The following TSPAN3 variants were observed in gnomAD, a reference collection of about 807,000 sequenced individuals.
TSPAN3 encodes the protein tetraspanin 3.
Under a neutral mutation model 31.1 loss-of-function variants are expected in TSPAN3, and 9 were observed. That is an observed-to-expected ratio of 0.29 (90% CI 0.17 to 0.50). The LOEUF (loss-of-function observed/expected upper bound fraction) is 0.50, where lower values mean the gene tolerates loss of function less well. Ranked by LOEUF, TSPAN3 falls within the 20% of genes least tolerant of loss-of-function variation. The pLI, the probability that TSPAN3 is intolerant of heterozygous loss-of-function variation, is 0.98. For synonymous variants in TSPAN3, 129 were observed against 114.3 expected (o/e 1.13, Z -0.82); for missense variants, 252 against 313.5 (o/e 0.80, Z 1.48).
chr15:77,053,900 C>T (rs2076750600), intron 4 of TSPAN3, among the ~76,000 whole-genome samples: 1 of 152,118 alleles, frequency 6.6e-6, no homozygotes, highest in Non-Finnish European at 1.5e-5. Flanking sequence ...ATACCTCTCT[C>T]TTGCGTCATC....
chr15:77,070,245 A>C (rs2076858709), intron 1 of TSPAN3, among the ~76,000 whole-genome samples: 1 of 152,204 alleles, frequency 6.6e-6, no homozygotes. Context: ...TCCATCATAT[A>C]TTTAACCAAG....
intron 4 of TSPAN3, among the ~76,000 whole-genome samples, 172 bp from the exon 5 acceptor site, chr15:77,053,101 C>T (rs1596160406): frequency 1.3e-5 from 2 of 152,296 alleles, no homozygotes; most frequent in African/African-American, 4.8e-5. Context: ...TGAAGCTCTA[C>T]TGAGCACTTA....
chr15:77,050,467 T>C (rs905353225), intron 6 of TSPAN3, among the ~76,000 whole-genome samples: 1 of 152,200 alleles, frequency 6.6e-6, no homozygotes, highest in Non-Finnish European at 1.5e-5. Flanking sequence ...AAATATTTAT[T>C]AGCCCCTATT....
chr15:77,067,840 T>G (rs1004208630), intron 1 of TSPAN3: 1 of 152,242 alleles, frequency 6.6e-6, no homozygotes, highest in Non-Finnish European at 1.5e-5. Context: ...GAGAAGTGAT[T>G]CTAACAACTT....
chr15:77,065,305 C>T (rs115370727), intron 1 of TSPAN3, among the ~76,000 whole-genome samples: 1,995 of 152,316 alleles, frequency 0.013, 55 homozygotes, highest in African/African-American at 0.046. Flanking sequence ...GGATTTTTCA[C>T]TGTCTTTTCA....
chr15:77,066,141 T>C (rs1453512100), intron 1 of TSPAN3, among the ~76,000 whole-genome samples: 2 of 152,294 alleles, frequency 1.3e-5, no homozygotes, highest in East Asian at 1.9e-4. Context: ...GAATAAAAAC[T>C]TAATGGTAGG....
Position 77,041,795 on chromosome 15 carries a change from G to A in TSPAN3, c.*5040C>T, listed in dbSNP as rs968614716. Reference sequence around the variant, plus strand: ...GAAAGTGCTTTGAAACTAGATACAGGCAGTGGTTCTATAGCATGGTGAATG... The same window carrying A: ...GAAAGTGCTTTGAAACTAGATACAGACAGTGGTTCTATAGCATGGTGAATG... On this transcript the variant is annotated 3_prime_UTR_variant, in exon 7 of 7. Transcript: ENST00000267970. The A allele has an allele frequency of 1.3e-5, 2 of 152,118 alleles. No homozygotes were observed. Among genetic ancestry groups the A allele is most frequent in the African/African-American group, 2.4e-5 (1 of 41,430 alleles). 9.4% of individuals were successfully genotyped at this position (152,118 alleles called of 1,614,324 possible).
At position 77,042,197 on chromosome 15, in the gene TSPAN3, A is replaced by ATGCCATTGCTGAACTGCTGAAC. The variant is rs1399535168; in HGVS notation, c.*4616_*4637dup. ...CTGTGTATGTAGTCTGCAAAGACAC[A>ATGCCATTGCTGAACTGCTGAAC]TGCCATTGCTGAACTGCTGAACTTG... On this transcript the variant is annotated 3_prime_UTR_variant, in exon 7 of 7. Transcript: ENST00000267970. The ATGCCATTGCTGAACTGCTGAAC allele has an allele frequency of 6.6e-6, 1 of 152,274 alleles. No homozygotes were observed. The highest frequency in any genetic ancestry group is 6.5e-5 in the Admixed American group (1 of 15,278). 9.4% of individuals were successfully genotyped at this position (152,274 alleles called of 1,614,324 possible).
chr15:77,067,761 CCAAA>C (rs760041102), intron 1 of TSPAN3: 9 of 152,212 alleles, frequency 5.9e-5, no homozygotes, highest in African/African-American at 1.2e-4. Flanking sequence ...TAATTCAAAA[CCAAA>C]CAAAGTGTCA....
chr15:77,058,281 C>G (rs565655438), intron 1 of TSPAN3, among the ~76,000 whole-genome samples: 2 of 152,314 alleles, frequency 1.3e-5, no homozygotes, highest in African/African-American at 4.8e-5. Context: ...ATGAACCAAG[C>G]TATTCCTCCT....
chr15:77,066,437 T>G (rs1285524170), intron 1 of TSPAN3, among the ~76,000 whole-genome samples: 1 of 151,926 alleles, frequency 6.6e-6, no homozygotes, highest in African/African-American at 2.4e-5. Flanking sequence ...CTGGGCATGG[T>G]GGCGCACGCC....
At chr15:77,069,108 A>G (rs978830015) in intron 1 of TSPAN3, among the ~76,000 whole-genome samples, 3 of 152,196 alleles carry the variant, frequency 2.0e-5, no homozygotes. Flanking sequence ...TAGAAATGTA[A>G]ATATTATTCT....
At position 77,066,232 on chromosome 15, in the gene TSPAN3, C is replaced by T. The variant is rs189639337; in HGVS notation, c.63+4660G>A. On this transcript the variant is annotated intron_variant, in intron 1 of 6. Coordinates refer to ENST00000267970, the MANE Select transcript of TSPAN3 (RefSeq NM_005724.6). ...TACCAAACTAAAAATCCTGTCTGAC[C>T]TTGGTACAAAGGTGCAGTTTACAGA... 2.8e-3 allele frequency among the ~76,000 whole-genome samples: 426 copies of T among 152,294 alleles called. 4 individuals carry two copies. The highest frequency in any genetic ancestry group is 9.6e-3 in the African/African-American group (400 of 41,560).
rs1045321045 is a variant in TSPAN3, at chr15:77,042,813, C to T, written c.*4022G>A. On this transcript the variant is annotated 3_prime_UTR_variant, in exon 7 of 7. Transcript: ENST00000267970. Reference sequence around the variant, plus strand: ...GTATGTACATGGAGACAGTGTGTCTCCAGAGATTTCTTATTAGTTGAAAAG... The same window carrying T: ...GTATGTACATGGAGACAGTGTGTCTTCAGAGATTTCTTATTAGTTGAAAAG... 9 of 152,002 alleles carry T rather than the reference C, an allele frequency of 5.9e-5. No individual in the cohort carries two copies. The highest frequency in any genetic ancestry group is 2.2e-4 in the African/African-American group (9 of 41,366). The allele number at this position is 152,002 out of a possible 1,614,324, so 9.4% of individuals were successfully genotyped here.
chr15:77,069,891 G>A (rs1033354341), intron 1 of TSPAN3: 2 of 152,294 alleles, frequency 1.3e-5, no homozygotes, highest in Non-Finnish European at 2.9e-5. Context: ...GACAAGTTCA[G>A]AGAGGCAAGG....
At chr15:77,066,429 G>A (rs1244378344) in intron 1 of TSPAN3, among the ~76,000 whole-genome samples, 1 of 151,940 alleles carries the variant, frequency 6.6e-6, no homozygotes, top group African/African-American at 2.4e-5. Flanking sequence ...AAAATTAGCT[G>A]GGCATGGTGG....
rs1345488991 is a variant in TSPAN3 at position 77,045,424 on chromosome 15, C to G, written c.*1411G>C. ...TCAGCACGGCCGGCTTGCATCACCA[C>G]CTTCTTCTCAGTTCACCTTCCAAAT... On this transcript the variant is annotated 3_prime_UTR_variant, in exon 7 of 7. Coordinates refer to ENST00000267970, the MANE Select transcript of TSPAN3 (RefSeq NM_005724.6). 1 of 152,408 alleles carries G rather than the reference C, an allele frequency of 6.6e-6. No individual in the cohort carries two copies. The allele number at this position is 152,408 out of a possible 1,614,324, so 9.4% of individuals were successfully genotyped here. A position where few individuals can be genotyped will look rare whatever the true frequency, so the allele number is the denominator to read the frequency against.
chr15:77,051,684 G>A (rs79477976), intron 6 of TSPAN3, among the ~76,000 whole-genome samples: 2 of 146,858 alleles, frequency 1.4e-5, no homozygotes, highest in African/African-American at 5.2e-5. Flanking sequence ...CCCCATTTCT[G>A]GAAAAAAAAA....
chr15:77,050,468 A>G (rs906454672), intron 6 of TSPAN3, among the ~76,000 whole-genome samples: 11 of 152,214 alleles, frequency 7.2e-5, no homozygotes, highest in African/African-American at 2.4e-4. Flanking sequence ...AATATTTATT[A>G]GCCCCTATTG....
Sources: gnomAD v4.1 joint callset for allele counts (sites outside exome capture counted in the v4.1 genomes callset) on GRCh38, gnomAD v4.1.1 for gene constraint, MANE v1.5 for transcripts, NCBI Gene and HGNC (gene_info 2026-07-23, HGNC 2026-07-21) for gene names.